PTPRT: variants seen among roughly 807,000 people sequenced by gnomAD.
The protein encoded by PTPRT is protein tyrosine phosphatase receptor type T.
Under a neutral mutation model 176.8 loss-of-function variants are expected in PTPRT, and 56 were observed. The observed-to-expected ratio is 0.32, with a 90% CI of 0.26 to 0.40. The LOEUF (loss-of-function observed/expected upper bound fraction) is 0.40, where lower values mean the gene tolerates loss of function less well. Among genes scored for constraint, PTPRT ranks in the 10% least tolerant of loss-of-function variants. PTPRT has a pLI of 1.00. For missense variants in PTPRT, 1,540 were observed against 1,908.2 expected (o/e 0.81, Z 3.60); for synonymous variants, 783 against 739.0 (o/e 1.06, Z -0.96).
At chr20:42,497,426 G>C (rs140511253) in intron 7 of PTPRT, among the ~76,000 whole-genome samples, 107 of 151,854 alleles carry the variant, frequency 7.0e-4, no homozygotes, top group African/African-American at 2.6e-3. Context: ...GTGGGCAAAA[G>C]CTGCTTCTCC....
At chr20:42,961,287 T>C (rs1217204882) in intron 1 of PTPRT, among the ~76,000 whole-genome samples, 1 of 152,148 alleles carries the variant, frequency 6.6e-6, no homozygotes, top group Non-Finnish European at 1.5e-5. Context: ...GTGATAAAGA[T>C]TGCTATGGTG....
chr20:43,064,049 C>T (rs915676771), intron 1 of PTPRT, among the ~76,000 whole-genome samples: 1 of 152,072 alleles, frequency 6.6e-6, no homozygotes, highest in Admixed American at 6.5e-5. Context: ...AAAAAAAGTT[C>T]CCTTCTATGG....
chr20:42,791,316 A>T lies in PTPRT; in HGVS notation c.365T>A (p.Val122Asp), dbSNP rs2145548370. Residue 122 changes from valine to aspartate, a missense_variant, in exon 3 of 31, where the codon GTC becomes GAC. Physicochemically the swap from Val to Asp is radical, Grantham distance 152 (BLOSUM62 -3). Transcript: ENST00000373187. The part of the protein sequence containing the change: ...RDRSSPGALN[V>D]YVKVNGGPQG... ...GGGGCCACCATTCACCTTCACGTAG[A>T]CGTTCAAGGCCCCTGGGCTGGACCT... 6.2e-7 allele frequency: 1 copy of T among 1,614,162 alleles called. No homozygotes were observed. The highest frequency in any genetic ancestry group is 8.5e-7 in the Non-Finnish European group (1 of 1,180,012).
chr20:42,704,923 C>T (rs767647687), intron 6 of PTPRT, among the ~76,000 whole-genome samples: 11 of 152,096 alleles, frequency 7.2e-5, no homozygotes, highest in African/African-American at 1.9e-4. Context: ...TAATAACATG[C>T]GGCCGGGCGT....
rs1423634179 is a variant in PTPRT at position 42,674,359 on chromosome 20, C to A, written c.1153+3507G>T. ...ATTGATAGCCAGATTATTGTGTTTT[C>A]AACATGTAAAATCCATTACACAGTC... On this transcript the variant is annotated intron_variant, in intron 7 of 30. Transcript: ENST00000373187. 3.3e-5 allele frequency among the ~76,000 whole-genome samples: 5 copies of A among 152,262 alleles called. No homozygotes were observed. In the East Asian group the frequency reaches 9.6e-4, roughly 29 times the overall value.
intron 7 of PTPRT, among the ~76,000 whole-genome samples, chr20:42,616,597 A>G (rs2074083888): frequency 8.9e-6 from 1 of 112,332 alleles, no homozygotes; most frequent in African/African-American, 4.6e-5. Context: ...ATTTGTTTGT[A>G]TCCTCTTTTA....
intron 7 of PTPRT, among the ~76,000 whole-genome samples, chr20:42,483,313 G>C (rs2071416529): frequency 6.6e-6 from 1 of 152,112 alleles, no homozygotes; most frequent in Admixed American, 6.6e-5. Flanking sequence ...TTACAGGCAT[G>C]CCACCACGCT....
chr20:42,635,127 G>C (rs1265247672), intron 7 of PTPRT, among the ~76,000 whole-genome samples: 1 of 151,982 alleles, frequency 6.6e-6, no homozygotes, highest in African/African-American at 2.4e-5. Flanking sequence ...TTTTCAGAAA[G>C]GCAAGCATCC....
chr20:42,032,721 G>A, the PTPRT span, among the ~76,000 whole-genome samples: 1 of 152,046 alleles, frequency 6.6e-6, no homozygotes, highest in African/African-American at 2.4e-5. Flanking sequence ...AAAAGGCAAT[G>A]CCTTCTCTCT....
intron 9 of PTPRT, among the ~76,000 whole-genome samples, chr20:42,420,598 T>C (rs1050157858): frequency 6.6e-6 from 1 of 152,204 alleles, no homozygotes; most frequent in Non-Finnish European, 1.5e-5. Flanking sequence ...GGGATTCAAC[T>C]CACCTTGCTG....
rs1310734163 is a variant in PTPRT at position 42,648,820 on chromosome 20, G to GTTGTTT, written c.1153+29045_1153+29046insAAACAA. Among the ~76,000 whole-genome samples, 7 of 111,838 alleles carry GTTGTTT rather than the reference G, an allele frequency of 6.3e-5. 1 individual carries two copies. The highest frequency in any genetic ancestry group is 2.6e-4 in the African/African-American group (7 of 26,882). 73.4% of individuals were successfully genotyped at this position (111,838 alleles called of 152,430 possible). A position where few individuals can be genotyped will look rare whatever the true frequency, so the allele number is the denominator to read the frequency against. ...GGGGATTTTTTTTTTTGGTGTCGTT[G>GTTGTTT]TTTTTTTTTTTTTTTTTTGACAGAG... On this transcript the variant is annotated intron_variant, in intron 7 of 30. Transcript: ENST00000373187.
Position 42,895,517 on chromosome 20 carries a change from G to C in PTPRT, c.89-9585C>G, listed in dbSNP as rs999010946. Among the ~76,000 whole-genome samples, 8 of 152,078 alleles carry C rather than the reference G, an allele frequency of 5.3e-5. No homozygotes were observed. The South Asian group carries it at 1.0e-3, about 20-fold the overall frequency. On this transcript the variant is annotated intron_variant, in intron 1 of 30. Coordinates refer to ENST00000373187, the MANE Select transcript of PTPRT (RefSeq NM_007050.6). ...CACATGCACAGTCCACGCAAGGAGTGGGAAGTACTCAGGATGTGTACCCCA... is the reference window on the plus strand; with the variant it reads ...CACATGCACAGTCCACGCAAGGAGTCGGAAGTACTCAGGATGTGTACCCCA...
chr20:42,689,895 G>C (rs574923659), intron 6 of PTPRT, among the ~76,000 whole-genome samples: 14 of 152,240 alleles, frequency 9.2e-5, no homozygotes, highest in African/African-American at 3.1e-4. Context: ...ACCCATTTTA[G>C]ACTTCTGACC....
intron 1 of PTPRT, among the ~76,000 whole-genome samples, chr20:42,918,524 A>G (rs1418988307): frequency 6.6e-6 from 1 of 152,122 alleles, no homozygotes; most frequent in African/African-American, 2.4e-5. Context: ...ACCACAAAGA[A>G]CATTTCCAGT....
intron 7 of PTPRT, among the ~76,000 whole-genome samples, chr20:42,481,807 C>T (rs1056295572): frequency 3.8e-5 from 5 of 132,172 alleles, no homozygotes; most frequent in Non-Finnish European, 6.9e-5. Flanking sequence ...CACACACACG[C>T]GCGCATGTAT....
At chr20:42,916,905 G>T (rs1225459046) in intron 1 of PTPRT, among the ~76,000 whole-genome samples, 5 of 152,146 alleles carry the variant, frequency 3.3e-5, no homozygotes, top group Non-Finnish European at 7.4e-5. Flanking sequence ...CTGCCATTCT[G>T]TAGGTTGCCT....
chr20:43,137,514 G>C (rs758389717), intron 1 of PTPRT, among the ~76,000 whole-genome samples: 1 of 152,116 alleles, frequency 6.6e-6, no homozygotes, highest in African/African-American at 2.4e-5. Flanking sequence ...TTCTAGAAGG[G>C]TCAAAAGAAC....
At chr20:42,882,073 C>T (rs1305972769) in intron 2 of PTPRT, among the ~76,000 whole-genome samples, 4 of 152,084 alleles carry the variant, frequency 2.6e-5, no homozygotes, top group Non-Finnish European at 2.9e-5. Context: ...GCAGGGAGCT[C>T]GTCATACAAA....
At chr20:42,087,505 C>T (rs1249106367) in intron 27 of PTPRT, among the ~76,000 whole-genome samples, 1 of 151,106 alleles carries the variant, frequency 6.6e-6, no homozygotes, top group Non-Finnish European at 1.5e-5. Context: ...CCTTGGCCTC[C>T]CAAAGTGCCG....
Sources: allele counts gnomAD v4.1 joint callset (sites outside exome capture counted in the v4.1 genomes callset), GRCh38; gene constraint gnomAD v4.1.1; transcripts MANE v1.5; gene names NCBI Gene and HGNC (gene_info 2026-07-23, HGNC 2026-07-21).